Variants in CRADD observed in about 807,000 individuals in gnomAD.
The protein encoded by CRADD is CARD and death domain containing adaptor protein.
In CRADD, 9 loss-of-function variants were observed where a neutral mutation model predicts 15.5. The observed-to-expected ratio is 0.58, with a 90% CI of 0.35 to 1.01. CRADD has a LOEUF of 1.01. CRADD is among the 50% of genes least tolerant of loss of function. The pLI is 0.02. For synonymous variants in CRADD, 118 were observed against 107.6 expected, an observed-to-expected ratio of 1.10 and a Z score of -0.60; for missense variants, 227 against 250.3, an observed-to-expected ratio of 0.91 and a Z score of 0.63.
intron 2 of CRADD, among the ~76,000 whole-genome samples, chr12:93,779,291 A>G (rs922430284): frequency 6.6e-6 from 1 of 152,354 alleles, no homozygotes; most frequent in Non-Finnish European, 1.5e-5. Context: ...CTAACTATCT[A>G]GAAAAATTTT....
At chr12:93,706,087 G>C (rs1955945629) in intron 2 of CRADD, among the ~76,000 whole-genome samples, 1 of 152,174 alleles carries the variant, frequency 6.6e-6, no homozygotes, top group Non-Finnish European at 1.5e-5. Flanking sequence ...CTGCCAATGA[G>C]ACAAGTGTTG....
chr12:93,858,091 T>C (rs1958289754), intron 2 of CRADD, among the ~76,000 whole-genome samples: 1 of 152,208 alleles, frequency 6.6e-6, no homozygotes, highest in African/African-American at 2.4e-5. Context: ...CTGTTATCTA[T>C]TGTCAAGAGC....
At chr12:93,867,403 A>ATATATATATATATATTT (rs985334638) in intron 2 of CRADD, among the ~76,000 whole-genome samples, 1 of 143,378 alleles carries the variant, frequency 7.0e-6, no homozygotes, top group Non-Finnish European at 1.5e-5. Context: ...ATATATATAT[A>ATATATATATATATATTT]TTTTTTAAAC....
intron 2 of CRADD, among the ~76,000 whole-genome samples, chr12:93,750,430 T>C (rs901586266): frequency 1.3e-5 from 2 of 152,208 alleles, no homozygotes; most frequent in Admixed American, 6.5e-5. Flanking sequence ...AAAACTGATA[T>C]GATGCAAATA....
At chr12:93,814,937 G>GCT (rs1218297228) in intron 2 of CRADD, among the ~76,000 whole-genome samples, 3 of 152,142 alleles carry the variant, frequency 2.0e-5, no homozygotes, top group Non-Finnish European at 2.9e-5. Flanking sequence ...CTCAAATTAT[G>GCT]CAGTGTTTGA....
chr12:93,800,578 C>T (rs1490312299), intron 2 of CRADD, among the ~76,000 whole-genome samples: 1 of 151,964 alleles, frequency 6.6e-6, no homozygotes, highest in Non-Finnish European at 1.5e-5. Flanking sequence ...GGCACTTACT[C>T]CTGCTCTCTC....
At chr12:93,738,858 GAGGAA>G (rs752971924) in intron 2 of CRADD, among the ~76,000 whole-genome samples, 1 of 152,040 alleles carries the variant, frequency 6.6e-6, no homozygotes, top group Non-Finnish European at 1.5e-5. Flanking sequence ...AGAGAGAAAC[GAGGAA>G]AGGAAGGAAG....
intron 2 of CRADD, among the ~76,000 whole-genome samples, chr12:93,873,321 T>C (rs917542289): frequency 6.6e-6 from 1 of 152,104 alleles, no homozygotes; most frequent in Non-Finnish European, 1.5e-5. Context: ...AGTCTTTAGG[T>C]TTTTCCAAAT....
chr12:93,881,314 A>G (rs1958498515), intron 2 of CRADD, among the ~76,000 whole-genome samples: 1 of 152,118 alleles, frequency 6.6e-6, no homozygotes, highest in Non-Finnish European at 1.5e-5. Flanking sequence ...TTTGTTTGGC[A>G]GCAGCAGTAT....
At chr12:93,844,809 A>G (rs1415605862) in intron 2 of CRADD, among the ~76,000 whole-genome samples, 1 of 152,122 alleles carries the variant, frequency 6.6e-6, no homozygotes, top group Non-Finnish European at 1.5e-5. Context: ...CTTTATTTCA[A>G]CCACTTTGAA....
chr12:93,723,064 T>C (rs1434716634), intron 2 of CRADD, among the ~76,000 whole-genome samples: 3 of 152,218 alleles, frequency 2.0e-5, no homozygotes, highest in Admixed American at 6.5e-5. Flanking sequence ...ACTGACTCCA[T>C]GTTGCTTCTC....
intron 2 of CRADD, among the ~76,000 whole-genome samples, chr12:93,728,778 C>T (rs1956412979): frequency 6.6e-6 from 1 of 152,020 alleles, no homozygotes; most frequent in Non-Finnish European, 1.5e-5. Flanking sequence ...AAATGGAATC[C>T]AGCAAAACAG....
chr12:93,865,117 G>C (rs1263818282), intron 2 of CRADD, among the ~76,000 whole-genome samples: 1 of 152,154 alleles, frequency 6.6e-6, no homozygotes, highest in African/African-American at 2.4e-5. Flanking sequence ...GTTCCCAGGA[G>C]TAGTAGTAGA....
intron 2 of CRADD, among the ~76,000 whole-genome samples, chr12:93,846,736 CAAG>C (rs1958124526): frequency 6.6e-6 from 1 of 151,922 alleles, no homozygotes; most frequent in Admixed American, 6.6e-5. Context: ...GCATATGGAG[CAAG>C]AAAAGAATGC....
intron 2 of CRADD, among the ~76,000 whole-genome samples, chr12:93,684,131 G>T (rs1030985412): frequency 2.1e-4 from 32 of 152,192 alleles, no homozygotes; most frequent in African/African-American, 7.7e-4. Context: ...GACAAATGGA[G>T]GATCTCCAGA....
At chr12:93,738,617 T>G in intron 2 of CRADD, 1 of 584,434 alleles carries the variant, frequency 1.7e-6, no homozygotes, top group Non-Finnish European at 3.0e-6. Context: ...TAATAAAAAC[T>G]AAAACTGATG....
intron 2 of CRADD, among the ~76,000 whole-genome samples, chr12:93,688,294 G>A (rs1434707594): frequency 6.6e-6 from 1 of 152,200 alleles, no homozygotes; most frequent in African/African-American, 2.4e-5. Context: ...CATGAGGTCA[G>A]GAGTTCAAGA....
chr12:93,871,323 A>G (rs982274624), intron 2 of CRADD, among the ~76,000 whole-genome samples: 8 of 152,086 alleles, frequency 5.3e-5, no homozygotes, highest in African/African-American at 1.9e-4. Flanking sequence ...ATTTTTTTAA[A>G]AATTTTGTGG....
intron 2 of CRADD, among the ~76,000 whole-genome samples, chr12:93,869,784 C>T (rs769311291): frequency 3.3e-5 from 5 of 152,254 alleles, no homozygotes; most frequent in Admixed American, 6.5e-5. Flanking sequence ...AAGAAATTAA[C>T]AGAGCCTTCC....
Sources: gnomAD v4.1 joint callset for allele counts (sites outside exome capture counted in the v4.1 genomes callset) on GRCh38, gnomAD v4.1.1 for gene constraint, MANE v1.5 for transcripts, NCBI Gene and HGNC (gene_info 2026-07-23, HGNC 2026-07-21) for gene names.